Variants in PTER observed in about 807,000 individuals in gnomAD.
PTER encodes phosphotriesterase related, also known as N-acetyltaurine hydrolase.
In PTER, 38 loss-of-function variants were observed where a neutral mutation model predicts 29.6. The observed-to-expected ratio is 1.28, with a 90% CI of 0.99 to 1.68. PTER has a LOEUF of 1.68. Among genes scored for constraint, PTER ranks in the 40% most tolerant of loss-of-function variants. PTER has a pLI of 0.00. For missense variants in PTER, 482 were observed against 427.8 expected, an observed-to-expected ratio of 1.13 and a Z score of -1.12; for synonymous variants, 172 against 154.5, an observed-to-expected ratio of 1.11 and a Z score of -0.84.
chr10:16,515,714 T>C (rs923407163), downstream of PTER, among the ~76,000 whole-genome samples: 22 of 152,204 alleles, frequency 1.4e-4, no homozygotes, highest in Non-Finnish European at 2.4e-4. Context: ...CATTTAGATA[T>C]ATTGTGATTC....
chr10:16,509,023 A>G (rs1190886787), intron 4 of PTER, among the ~76,000 whole-genome samples: 1 of 152,100 alleles, frequency 6.6e-6, no homozygotes, highest in Non-Finnish European at 1.5e-5. Flanking sequence ...CATTTCTCAA[A>G]TCTTATTATA....
chr10:16,457,681 C>G (rs897565435), intron 1 of PTER, among the ~76,000 whole-genome samples: 1 of 152,060 alleles, frequency 6.6e-6, no homozygotes, highest in African/African-American at 2.4e-5. Flanking sequence ...CTCACTGCAA[C>G]CGCTGCCTCC....
At chr10:16,451,396 C>T (rs1834203813) in intron 1 of PTER, among the ~76,000 whole-genome samples, 1 of 152,180 alleles carries the variant, frequency 6.6e-6, no homozygotes, top group South Asian at 2.1e-4. Flanking sequence ...TATTAACCAT[C>T]ACAAGGTTTG....
At chr10:16,448,636 A>T (rs994086972) in intron 1 of PTER, among the ~76,000 whole-genome samples, 1 of 152,214 alleles carries the variant, frequency 6.6e-6, no homozygotes, top group African/African-American at 2.4e-5. Context: ...CTCACCAATA[A>T]GTCTGGTGTG....
At chr10:16,440,731 C>G (rs1439440061) in intron 1 of PTER, among the ~76,000 whole-genome samples, 2 of 152,252 alleles carry the variant, frequency 1.3e-5, no homozygotes, top group Non-Finnish European at 2.9e-5. Context: ...GCAGTGGTCT[C>G]AGCCTGGGTC....
At chr10:16,468,195 A>T (rs903400864) in intron 1 of PTER, among the ~76,000 whole-genome samples, 1 of 152,120 alleles carries the variant, frequency 6.6e-6, no homozygotes, top group Admixed American at 6.5e-5. Flanking sequence ...TACAAAAATT[A>T]GCCGAGTGTG....
intron 1 of PTER, among the ~76,000 whole-genome samples, chr10:16,444,988 G>A (rs1171973110): frequency 6.6e-6 from 1 of 152,072 alleles, no homozygotes; most frequent in African/African-American, 2.4e-5. Context: ...TGTTTTAAGT[G>A]GAAATGTATT....
At position 16,512,553 on chromosome 10, in the gene PTER, C is replaced by A. The variant is rs1418898254; in HGVS notation, c.*1297C>A. The A allele has an allele frequency of 6.6e-6, 1 of 152,056 alleles. No homozygotes were observed. Among genetic ancestry groups the A allele is most frequent in the Non-Finnish European group, 1.5e-5 (1 of 67,960 alleles). 9.4% of individuals were successfully genotyped at this position (152,056 alleles called of 1,614,324 possible). A position where few individuals can be genotyped will look rare whatever the true frequency, so the allele number is the denominator to read the frequency against. ...CTCAGACCCAGGCATTTCAACAGAG[C>A]TAACACCACCTTCAGATAGGCACAC... On this transcript the variant is annotated 3_prime_UTR_variant, in exon 5 of 5. Coordinates refer to ENST00000535784, the MANE Select transcript of PTER (RefSeq NM_001261836.2).
chr10:16,483,201 A>G (rs920363565), intron 1 of PTER, among the ~76,000 whole-genome samples: 8 of 152,220 alleles, frequency 5.3e-5, no homozygotes, highest in Non-Finnish European at 1.2e-4. Context: ...TTGTGCTACA[A>G]ATGAAAGCAA....
rs561190275 is a variant in PTER at position 16,485,520 on chromosome 10, C to G, written c.432+704C>G. On this transcript the variant is annotated intron_variant, in intron 2 of 4. Coordinates refer to ENST00000535784, the MANE Select transcript of PTER (RefSeq NM_001261836.2). ...TATGTATCTTCCATTGCCTGCATGA[C>G]AGGCATAGGGTGTCAGCTCATTCTT... Among the ~76,000 whole-genome samples, 23 of 152,328 alleles carry G rather than the reference C, an allele frequency of 1.5e-4. No homozygotes were observed. In the South Asian group the frequency reaches 3.5e-3, roughly 23 times the overall value.
At chr10:16,498,052 A>G (rs900515135) in intron 3 of PTER, among the ~76,000 whole-genome samples, 1 of 152,230 alleles carries the variant, frequency 6.6e-6, no homozygotes, top group African/African-American at 2.4e-5. Context: ...TATGAATGAC[A>G]TGAACAAGTA....
intron 4 of PTER, among the ~76,000 whole-genome samples, chr10:16,508,324 T>C (rs1218598659): frequency 6.6e-6 from 1 of 152,164 alleles, no homozygotes; most frequent in Non-Finnish European, 1.5e-5. Flanking sequence ...CGCCTCGGCC[T>C]CCTAAAGTGC....
rs1163983205 is a variant in PTER, at chr10:16,513,153, CT to C, written c.*1899del. The C allele has an allele frequency of 6.6e-6, 1 of 152,138 alleles. No homozygotes were observed. Among genetic ancestry groups the C allele is most frequent in the Non-Finnish European group, 1.5e-5 (1 of 67,992 alleles). The allele number at this position is 152,138 out of a possible 1,614,324, so 9.4% of individuals were successfully genotyped here. On this transcript the variant is annotated 3_prime_UTR_variant, in exon 5 of 5. Transcript: ENST00000535784. ...CATATGGTAATAGAGCAACCATAGC[CT>C]TAACTTACAGACCTGTGAAATAAAG...
At chr10:16,457,635 T>G (rs1215694812) in intron 1 of PTER, among the ~76,000 whole-genome samples, 1 of 152,092 alleles carries the variant, frequency 6.6e-6, no homozygotes, top group African/African-American at 2.4e-5. Context: ...AGTCTCACTC[T>G]GTCACCCAGG....
At chr10:16,485,333 C>T (rs1238234098) in intron 2 of PTER, among the ~76,000 whole-genome samples, 1 of 152,132 alleles carries the variant, frequency 6.6e-6, no homozygotes. Flanking sequence ...ATTCATTCCC[C>T]TGTGTTTTGT....
chr10:16,457,347 G>A (rs539047484), intron 1 of PTER, among the ~76,000 whole-genome samples: 53 of 152,006 alleles, frequency 3.5e-4, no homozygotes, highest in African/African-American at 1.3e-3. Flanking sequence ...CGAGTAGCTG[G>A]GACTACAGGC....
intron 3 of PTER, among the ~76,000 whole-genome samples, chr10:16,500,483 C>T (rs1402371822): frequency 1.3e-5 from 2 of 151,926 alleles, no homozygotes; most frequent in Admixed American, 6.6e-5. Context: ...AACTCCTGAG[C>T]TCAAGGGATC....
At chr10:16,514,139 G>T, downstream of PTER, 1 of 397,852 alleles carries the variant, frequency 2.5e-6, no homozygotes, top group East Asian at 3.6e-5. Flanking sequence ...TAATAAGCAG[G>T]TAAACTCACA....
chr10:16,502,146 C>T (rs1005468276), intron 3 of PTER, among the ~76,000 whole-genome samples: 1 of 152,186 alleles, frequency 6.6e-6, no homozygotes, highest in Non-Finnish European at 1.5e-5. Context: ...ACATTAGGAG[C>T]AGAAATAAGA....
Sources: allele counts gnomAD v4.1 joint callset (sites outside exome capture counted in the v4.1 genomes callset), GRCh38; gene constraint gnomAD v4.1.1; transcripts MANE v1.5; gene names NCBI Gene and HGNC (gene_info 2026-07-23, HGNC 2026-07-21).